Variants in EQTN observed in about 807,000 individuals in gnomAD.
EQTN encodes the protein Acrosome formation associated factor.
EQTN carries 29 observed loss-of-function variants against 26.9 expected under a neutral mutation model. That is an observed-to-expected ratio of 1.08 (90% CI 0.80 to 1.47). The LOEUF is 1.47. Among genes scored for constraint, EQTN ranks in the 40% most tolerant of loss-of-function variants. The pLI is 0.00. For missense variants in EQTN, 391 were observed against 346.1 expected (o/e 1.13, Z -1.03); for synonymous variants, 129 against 120.0 (o/e 1.07, Z -0.49).
chr9:27,285,854 CAA>C (rs1820108594), intron 7 of EQTN, among the ~76,000 whole-genome samples: 3 of 152,100 alleles, frequency 2.0e-5, no homozygotes, highest in African/African-American at 7.2e-5. Flanking sequence ...GCTGTTTTTT[CAA>C]AGTCTCAAGG....
intron 2 of EQTN, among the ~76,000 whole-genome samples, chr9:27,294,755 G>T (rs1422364842): frequency 6.6e-6 from 1 of 152,120 alleles, no homozygotes; most frequent in African/African-American, 2.4e-5. Flanking sequence ...CGGGTAAGAA[G>T]CATTTACCTG....
At position 27,289,671 on chromosome 9, in the gene EQTN, C is replaced by T. The variant is rs1293258750; in HGVS notation, c.481+1G>A. On this transcript the variant is annotated splice_donor_variant, in intron 6 of 7. Coordinates refer to ENST00000380032, the MANE Select transcript of EQTN (RefSeq NM_020641.3). LOFTEE classifies it high-confidence loss of function. Reference sequence around the variant, plus strand: ...AGTCAATTGAAATATTTTGTTCTTACCTGGAATTGGGTGAAATAATTGATC... The same window carrying T: ...AGTCAATTGAAATATTTTGTTCTTATCTGGAATTGGGTGAAATAATTGATC... 2 of 1,603,684 alleles carry T rather than the reference C, an allele frequency of 1.2e-6. No individual in the cohort carries two copies. The highest frequency in any genetic ancestry group is 1.7e-6 in the Non-Finnish European group (2 of 1,174,560).
rs867436488 is a variant in EQTN at position 27,287,484 on chromosome 9, T to A, written c.482-1122A>T. On this transcript the variant is annotated intron_variant, in intron 6 of 7. Coordinates refer to ENST00000380032, the MANE Select transcript of EQTN (RefSeq NM_020641.3). ...GTGATGGTCAGAACTAGAGAAGGGTTTGGAATTCGTAATCACTGGAAGTGA... is the reference window on the plus strand; with the variant it reads ...GTGATGGTCAGAACTAGAGAAGGGTATGGAATTCGTAATCACTGGAAGTGA... Among the ~76,000 whole-genome samples the A allele has an allele frequency of 3.9e-5, 6 of 152,136 alleles. No homozygotes were observed. In the South Asian group the frequency reaches 1.0e-3, roughly 26 times the overall value.
At chr9:27,287,596 G>A (rs910888507) in intron 6 of EQTN, among the ~76,000 whole-genome samples, 3 of 152,150 alleles carry the variant, frequency 2.0e-5, no homozygotes, top group African/African-American at 7.2e-5. Context: ...CCAACTTCAT[G>A]GAGTTGCTGT....
At chr9:27,292,619 G>A in intron 3 of EQTN, 132 bp from the exon 4 acceptor site, 1 of 538,978 alleles carries the variant, frequency 1.9e-6, no homozygotes, top group South Asian at 3.2e-5. Context: ...GGAAGAGAAA[G>A]ACATTAACAT....
At chr9:27,296,526 A>T in intron 2 of EQTN, 87 bp downstream of exon 2, 1 of 937,726 alleles carries the variant, frequency 1.1e-6, no homozygotes, top group Non-Finnish European at 1.6e-6. Flanking sequence ...ATACAGGGGG[A>T]AATGATGGAA....
intron 5 of EQTN, among the ~76,000 whole-genome samples, chr9:27,290,324 G>A (rs966175868): frequency 9.2e-5 from 14 of 152,112 alleles, no homozygotes; most frequent in African/African-American, 3.1e-4. Context: ...TACTTCAGCT[G>A]GGAATGTGTG....
chr9:27,285,294 C>A (rs887779876), intron 7 of EQTN, among the ~76,000 whole-genome samples: 1 of 151,806 alleles, frequency 6.6e-6, no homozygotes, highest in Non-Finnish European at 1.5e-5. Context: ...CAGGCATGCG[C>A]CACTATGCCC....
At chr9:27,286,116 G>C (rs980123887) in intron 7 of EQTN, 93 bp downstream of exon 7, 2 of 1,244,544 alleles carry the variant, frequency 1.6e-6, no homozygotes, top group Admixed American at 4.1e-5. Flanking sequence ...TGAATTCAGA[G>C]GTCACATATT....
rs373784966 is a variant in EQTN, at chr9:27,286,339, C to T, written c.505G>A (p.Gly169Arg). Residue 169 changes from glycine (G) to arginine (R), a missense_variant, in exon 7 of 8, where the codon GGA (glycine) becomes AGA (arginine). Coordinates refer to ENST00000380032, the MANE Select transcript of EQTN (RefSeq NM_020641.3). ...IPESDVNATQ[G>R]ENQPDLEDLK... is the part of the protein sequence containing the mutation. ...TCCTCTAGATCTGGCTGATTTTCTC[C>T]CTGTGTAGCATTCACATCAGACTCT... The T allele has an allele frequency of 1.3e-4, 210 of 1,599,276 alleles. No homozygotes were observed. Among genetic ancestry groups the T allele is most frequent in the Non-Finnish European group, 1.7e-4 (194 of 1,172,290 alleles).
chr9:27,292,348 A>C (rs746510090), intron 4 of EQTN, 53 bp downstream of exon 4: 1 of 1,234,148 alleles, frequency 8.1e-7, no homozygotes, highest in African/African-American at 1.6e-5. Context: ...TTAAATTTTT[A>C]AGTCACATAA....
chr9:27,284,953 G>A lies in EQTN; in HGVS notation c.655C>T (p.Gln219Ter), dbSNP rs769939270. ...RHLSYKSCES[Q>*]YSVNPELATM... The stretch of plus-strand genomic sequence containing the variant: ...GCCAGCTCTGGGTTGACAGAGTACT[G>A]ACTCTCACAACTTTTATAACTGAAG... Residue 219 changes from glutamine (Q) to a stop codon, truncating the protein, a stop_gained, in exon 8 of 8, where the codon CAG becomes TAG. Transcript: ENST00000380032. LOFTEE classifies it low-confidence loss of function (END_TRUNC). 1.2e-6 allele frequency: 2 copies of A among 1,612,938 alleles called. No individual in the cohort carries two copies. The highest frequency in any genetic ancestry group is 1.7e-6 in the Non-Finnish European group (2 of 1,179,678).
At position 27,286,337 on chromosome 9, in the gene EQTN, T is replaced by A. The variant is rs1193536554; in HGVS notation, c.507A>T (p.Gly169=). The part of the protein sequence containing the change: ...IPESDVNATQ[G]ENQPDLEDLK... ...GATCCTCTAGATCTGGCTGATTTTCTCCCTGTGTAGCATTCACATCAGACT... is the reference window on the plus strand; with the variant it reads ...GATCCTCTAGATCTGGCTGATTTTCACCCTGTGTAGCATTCACATCAGACT... Residue 169 remains glycine, a synonymous_variant, in exon 7 of 8, where the codon GGA becomes GGT. Coordinates refer to ENST00000380032, the MANE Select transcript of EQTN (RefSeq NM_020641.3). 2 of 1,600,378 alleles carry A rather than the reference T, an allele frequency of 1.2e-6. No homozygotes were observed. The highest frequency in any genetic ancestry group is 1.7e-5 in the Admixed American group (1 of 57,792).
Position 27,294,306 on chromosome 9 carries a change from C to T in EQTN, c.289+10G>A, listed in dbSNP as rs1328984827. On this transcript the variant is annotated intron_variant, in intron 3 of 7. Transcript: ENST00000380032. ...CTTTTACATGTGCAATGGTGCCTTT[C>T]ACTTCTTACCGTTTTTTAGAGCAAA... 9 of 1,600,420 alleles carry T rather than the reference C, an allele frequency of 5.6e-6. No individual in the cohort carries two copies. In the Admixed American group the frequency reaches 1.5e-4, roughly 27 times the overall value.
intron 2 of EQTN, 190 bp from the exon 3 acceptor site, chr9:27,294,592 A>T (rs1288221126): frequency 5.3e-6 from 2 of 375,032 alleles, no homozygotes; most frequent in African/African-American, 2.1e-5. Context: ...CATTGAAAAA[A>T]GCCAAACTAG....
Position 27,297,117 on chromosome 9 carries a change from G to A in EQTN, c.-62C>T, listed in dbSNP as rs1043724306. On this transcript the variant is annotated 5_prime_UTR_variant, in exon 1 of 8. Transcript: ENST00000380032. ...GTCTACCCAGAGCCTCCTTTCTGTG[G>A]CCCAGCAGGTCCTGTGTCTAACTAG... 27 of 1,172,750 alleles carry A rather than the reference G, an allele frequency of 2.3e-5. No individual in the cohort carries two copies. Among genetic ancestry groups the A allele is most frequent in the Non-Finnish European group, 2.8e-5 (23 of 807,414 alleles). The allele number at this position is 1,172,750 out of a possible 1,614,324, so 72.6% of individuals were successfully genotyped here.
intron 3 of EQTN, 44 bp from the exon 4 acceptor site, chr9:27,292,531 C>T (rs41272857): frequency 0.11 from 125,047 of 1,132,624 alleles, 7,728 homozygotes; most frequent in Admixed American, 0.17. Flanking sequence ...AAAATACTGA[C>T]GAAACATCTG....
intron 4 of EQTN, among the ~76,000 whole-genome samples, chr9:27,291,935 G>C (rs1007450301): frequency 7.9e-5 from 12 of 152,000 alleles, no homozygotes; most frequent in African/African-American, 2.9e-4. Flanking sequence ...TTCTTGACAG[G>C]GAAGTAAAAT....
In EQTN at chr9:27,290,912, T is replaced by C. The variant is rs528025358; in HGVS notation, c.421+107A>G. On this transcript the variant is annotated intron_variant, in intron 5 of 7. Transcript: ENST00000380032. ...TTTGCTATTACATGTGGCAACAAAA[T>C]GTTGACTTATTGTCTCAGTATTAGA... The C allele has an allele frequency of 3.3e-5, 28 of 850,762 alleles. No homozygotes were observed. The African/African-American group carries it at 4.8e-4, about 15-fold the overall frequency. The allele number at this position is 850,762 out of a possible 1,614,324, so 52.7% of individuals were successfully genotyped here.
Sources: allele counts gnomAD v4.1 joint callset (sites outside exome capture counted in the v4.1 genomes callset), GRCh38; gene constraint gnomAD v4.1.1; transcripts MANE v1.5; gene names NCBI Gene and HGNC (gene_info 2026-07-23, HGNC 2026-07-21).